Variants in TMEM200A observed in about 807,000 individuals in gnomAD.
The protein encoded by TMEM200A is two transmembrane C.
Under a neutral mutation model 24.3 loss-of-function variants are expected in TMEM200A, and 12 were observed. The observed-to-expected ratio is 0.49, with a 90% CI of 0.32 to 0.80. The LOEUF is 0.80. Among genes scored for constraint, TMEM200A ranks in the 30% least tolerant of loss-of-function variants. The probability of loss-of-function intolerance (pLI) is 0.04; values close to 1 mark genes in which losing one functional copy is unlikely to be tolerated. For synonymous variants in TMEM200A, 224 were observed against 224.4 expected, an observed-to-expected ratio of 1.00 and a Z score of 0.02; for missense variants, 545 against 614.4, an observed-to-expected ratio of 0.89 and a Z score of 1.19.
At chr6:130,380,381 T>C (rs1192724390) in intron 1 of TMEM200A, among the ~76,000 whole-genome samples, 1 of 152,200 alleles carries the variant, frequency 6.6e-6, no homozygotes, top group African/African-American at 2.4e-5. Context: ...TTATTTTTGT[T>C]ATAGGTGTTT....
intron 2 of TMEM200A, among the ~76,000 whole-genome samples, chr6:130,406,894 T>G (rs1562561678): frequency 1.3e-5 from 2 of 152,188 alleles, no homozygotes; most frequent in Admixed American, 1.3e-4. Flanking sequence ...ATGGCTGATC[T>G]CTCCACGTTT....
intron 2 of TMEM200A, among the ~76,000 whole-genome samples, chr6:130,386,586 A>T (rs57916000): frequency 0.058 from 8,847 of 152,212 alleles, 863 homozygotes; most frequent in African/African-American, 0.2. Flanking sequence ...TTCCACATGG[A>T]TGCAAAATTG....
intron 1 of TMEM200A, among the ~76,000 whole-genome samples, chr6:130,370,754 A>G (rs1387803482): frequency 6.6e-6 from 1 of 152,120 alleles, no homozygotes; most frequent in African/African-American, 2.4e-5. Flanking sequence ...CCATTTATTC[A>G]TATCTATGTA....
chr6:130,439,669 C>A (rs930767294), intron 2 of TMEM200A, among the ~76,000 whole-genome samples: 1 of 152,082 alleles, frequency 6.6e-6, no homozygotes. Context: ...TGACCAAGAA[C>A]AAGACTCTAG....
chr6:130,432,208 G>A (rs1779893389), intron 2 of TMEM200A, among the ~76,000 whole-genome samples: 2 of 152,168 alleles, frequency 1.3e-5, no homozygotes, highest in Non-Finnish European at 2.9e-5. Flanking sequence ...TGTCCCAATG[G>A]AAACAGAATA....
chr6:130,374,041 A>G (rs1778382462), intron 1 of TMEM200A, among the ~76,000 whole-genome samples: 1 of 151,394 alleles, frequency 6.6e-6, no homozygotes, highest in Non-Finnish European at 1.5e-5. Flanking sequence ...ATGTTTCTGA[A>G]CATGCAGATA....
intron 2 of TMEM200A, among the ~76,000 whole-genome samples, chr6:130,400,266 C>T (rs1276446712): frequency 6.6e-6 from 1 of 152,002 alleles, no homozygotes; most frequent in Non-Finnish European, 1.5e-5. Context: ...TAGATACCCA[C>T]TAGTGGGATT....
intron 1 of TMEM200A, among the ~76,000 whole-genome samples, chr6:130,375,260 A>T (rs886647008): frequency 6.6e-6 from 1 of 152,238 alleles, no homozygotes; most frequent in Non-Finnish European, 1.5e-5. Context: ...TCATTTTGTC[A>T]AATATGAGAC....
chr6:130,430,402 C>T (rs751276323), intron 2 of TMEM200A, among the ~76,000 whole-genome samples: 6 of 151,848 alleles, frequency 4.0e-5, no homozygotes, highest in Non-Finnish European at 8.8e-5. Flanking sequence ...AAGTAGTTTC[C>T]AAAGAGAAAT....
intron 2 of TMEM200A, among the ~76,000 whole-genome samples, chr6:130,396,117 G>C (rs1778945931): frequency 6.6e-6 from 1 of 152,106 alleles, no homozygotes; most frequent in Non-Finnish European, 1.5e-5. Context: ...ATCAACTAAA[G>C]CTTTTACAAA....
chr6:130,442,166 A>C lies in TMEM200A; in HGVS notation c.*268A>C, dbSNP rs943682763. The C allele has an allele frequency of 3.2e-6, 1 of 315,010 alleles. No homozygotes were observed. Among genetic ancestry groups the C allele is most frequent in the African/African-American group, 2.2e-5 (1 of 46,084 alleles). The allele number at this position is 315,010 out of a possible 1,614,324, so 19.5% of individuals were successfully genotyped here. ...TATGAATGCAAAATGCTTGCATCCA[A>C]ATTAAAGCTTATTTTCTTTACTTTT... On this transcript the variant is annotated 3_prime_UTR_variant, in exon 3 of 3. Coordinates refer to ENST00000296978, the MANE Select transcript of TMEM200A (RefSeq NM_001258277.2).
chr6:130,430,659 G>T (rs1228533849), intron 2 of TMEM200A, among the ~76,000 whole-genome samples: 1 of 152,056 alleles, frequency 6.6e-6, no homozygotes, highest in Non-Finnish European at 1.5e-5. Flanking sequence ...AATGCTAAAA[G>T]AATTTTGCAT....
intron 1 of TMEM200A, among the ~76,000 whole-genome samples, chr6:130,373,897 A>G (rs911672804): frequency 2.0e-5 from 3 of 152,206 alleles, no homozygotes; most frequent in African/African-American, 7.2e-5. Flanking sequence ...TTTTAAATTT[A>G]AAAAAGCCAC....
intron 1 of TMEM200A, chr6:130,382,062 G>T: frequency 1.4e-6 from 1 of 710,742 alleles, no homozygotes; most frequent in Non-Finnish European, 1.7e-6. Context: ...GATTTTTTTT[G>T]GAAAAAAGAA....
chr6:130,442,973 A>C lies in TMEM200A; in HGVS notation c.*1075A>C, dbSNP rs1780234518. 6.0e-6 allele frequency: 1 copy of C among 167,036 alleles called. No individual in the cohort carries two copies. The highest frequency in any genetic ancestry group is 1.5e-5 in the Non-Finnish European group (1 of 68,098). 10.3% of individuals were successfully genotyped at this position (167,036 alleles called of 1,614,324 possible). A position where few individuals can be genotyped will look rare whatever the true frequency, so the allele number is the denominator to read the frequency against. ...TGCTGGAGAGCCTTATGATAACTCC[A>C]AAGACTTTCTTACGGTATAATACAT... On this transcript the variant is annotated 3_prime_UTR_variant, in exon 3 of 3. Transcript: ENST00000296978.
At chr6:130,416,378 C>T (rs531041075) in intron 2 of TMEM200A, among the ~76,000 whole-genome samples, 1 of 152,066 alleles carries the variant, frequency 6.6e-6, no homozygotes, top group Non-Finnish European at 1.5e-5. Context: ...CAATTAACAG[C>T]AAGTCTCTAG....
At chr6:130,437,732 T>C (rs1780055696) in intron 2 of TMEM200A, 1 of 152,190 alleles carries the variant, frequency 6.6e-6, no homozygotes, top group Non-Finnish European at 1.5e-5. Context: ...TTTTTTACTT[T>C]AAGATACCTT....
At position 130,379,244 on chromosome 6, in the gene TMEM200A, A is replaced by G. The variant is rs76948423; in HGVS notation, c.-80-5929A>G. Among the ~76,000 whole-genome samples, 519 of 151,988 alleles carry G rather than the reference A, an allele frequency of 3.4e-3. 8 individuals carry two copies. In the East Asian group the frequency reaches 0.055, roughly 16 times the overall value. On this transcript the variant is annotated intron_variant, in intron 1 of 2. Transcript: ENST00000296978. Reference sequence around the variant, plus strand: ...AACTGTGTGGAGAATTTTTCAGACAACACTGTGTTAAATTGGAAAAAATTA... The same window carrying G: ...AACTGTGTGGAGAATTTTTCAGACAGCACTGTGTTAAATTGGAAAAAATTA...
At chr6:130,382,344 A>G (rs73611673) in intron 1 of TMEM200A, among the ~76,000 whole-genome samples, 8,234 of 152,190 alleles carry the variant, frequency 0.054, 741 homozygotes, top group African/African-American at 0.18. Context: ...ACCTGGTTAC[A>G]CTTGCCCTGT....
Sources: gnomAD v4.1 joint callset for allele counts (sites outside exome capture counted in the v4.1 genomes callset) on GRCh38, gnomAD v4.1.1 for gene constraint, MANE v1.5 for transcripts, NCBI Gene and HGNC (gene_info 2026-07-23, HGNC 2026-07-21) for gene names.